Variants in SNX3 observed in about 807,000 individuals in gnomAD.
The protein encoded by SNX3 is sorting nexin 3.
A neutral mutation model predicts 17.7 loss-of-function variants in SNX3; 5 were observed. The ratio of observed to expected loss-of-function variants is 0.28; its 90% confidence interval spans 0.15 to 0.59. SNX3 has a LOEUF of 0.59. SNX3 is among the 20% of genes least tolerant of loss of function. The pLI, the probability that SNX3 is intolerant of heterozygous loss-of-function variation, is 0.88. For missense variants in SNX3, 132 were observed against 206.8 expected (o/e 0.64, Z 2.22); for synonymous variants, 91 against 76.5 (o/e 1.19, Z -0.99).
In SNX3 at chr6:108,260,947, C is replaced by T. The variant is rs1416193287; in HGVS notation, c.-26G>A. On this transcript the variant is annotated 5_prime_UTR_variant, in exon 1 of 4. Transcript: ENST00000230085. ...TTCGCTGTAGCTGCTGCCGCCGCCG[C>T]GGGCTCCCTCCGCCCCCTCCGCGTT... is the stretch of plus-strand genomic sequence containing the variant. 1.3e-6 allele frequency: 2 copies of T among 1,539,288 alleles called. No homozygotes were observed. The highest frequency in any genetic ancestry group is 2.4e-5 in the South Asian group (2 of 82,478).
At chr6:108,220,436 C>T (rs556988246) in intron 2 of SNX3, among the ~76,000 whole-genome samples, 1 of 152,048 alleles carries the variant, frequency 6.6e-6, no homozygotes, top group African/African-American at 2.4e-5. Flanking sequence ...ACAAATGCTT[C>T]CCACTATGTT....
At position 108,261,014 on chromosome 6, in the gene SNX3, G is replaced by A. The variant is rs943478744; in HGVS notation, c.-93C>T. 5.7e-6 allele frequency: 7 copies of A among 1,222,594 alleles called. No homozygotes were observed. The highest frequency in any genetic ancestry group is 7.5e-6 in the Non-Finnish European group (7 of 936,512). The allele number at this position is 1,222,594 out of a possible 1,614,324, so 75.7% of individuals were successfully genotyped here. ...CGCTGCTGCCCGCCGTGGGGACACG[G>A]GGCTCGCGCGCAGCGGTCGCGAAGA... On this transcript the variant is annotated 5_prime_UTR_variant, in exon 1 of 4. Transcript: ENST00000230085.
chr6:108,219,110 G>A (rs867806983), intron 2 of SNX3, among the ~76,000 whole-genome samples: 1 of 152,264 alleles, frequency 6.6e-6, no homozygotes, highest in East Asian at 1.9e-4. Context: ...CCAGCACTTC[G>A]GGAGGCCAAG....
At chr6:108,236,110 G>A (rs992044954) in intron 1 of SNX3, among the ~76,000 whole-genome samples, 2 of 152,066 alleles carry the variant, frequency 1.3e-5, no homozygotes, top group African/African-American at 4.8e-5. Context: ...AGAAAGGTAA[G>A]ATTCTAAATA....
chr6:108,251,407 C>T (rs560593042), intron 1 of SNX3, among the ~76,000 whole-genome samples: 10 of 152,330 alleles, frequency 6.6e-5, no homozygotes, highest in African/African-American at 1.9e-4. Context: ...ACAGTGTCTA[C>T]TCTTCCCTTC....
intron 1 of SNX3, among the ~76,000 whole-genome samples, chr6:108,236,678 G>A (rs1432469078): frequency 2.6e-5 from 4 of 151,922 alleles, no homozygotes; most frequent in African/African-American, 7.3e-5. Context: ...GTGAGCCACC[G>A]TGCCCGGCTT....
chr6:108,254,342 T>C lies in SNX3; in HGVS notation c.162+6418A>G, dbSNP rs556048959. On this transcript the variant is annotated intron_variant, in intron 1 of 3. Transcript: ENST00000230085. ...AGCCAGGCATAGTGGCGTGCTCCTG[T>C]AGCCCCAATTACTCAGGAGGCGAAG... Among the ~76,000 whole-genome samples, 19 of 152,142 alleles carry C rather than the reference T, an allele frequency of 1.2e-4. 1 individual carries two copies. The South Asian group carries it at 2.7e-3, about 22-fold the overall frequency.
chr6:108,225,384 G>C (rs1774943869), intron 1 of SNX3, among the ~76,000 whole-genome samples: 1 of 152,126 alleles, frequency 6.6e-6, no homozygotes, highest in Non-Finnish European at 1.5e-5. Context: ...CGATCACAAG[G>C]TCAGGAGTTC....
At chr6:108,239,369 C>T (rs1392602495) in intron 1 of SNX3, among the ~76,000 whole-genome samples, 4 of 152,138 alleles carry the variant, frequency 2.6e-5, no homozygotes, top group Admixed American at 2.6e-4. Flanking sequence ...GGTGCAGTGG[C>T]TCATGTTTGT....
chr6:108,223,070 A>G, intron 1 of SNX3, 25 bp from the exon 2 acceptor site: 1 of 1,337,380 alleles, frequency 7.5e-7, no homozygotes. Context: ...GTTAGTCCTA[A>G]ATTGAAGCAC....
chr6:108,229,676 CTT>C (rs1392330452), intron 1 of SNX3, among the ~76,000 whole-genome samples: 2 of 152,198 alleles, frequency 1.3e-5, no homozygotes, highest in Non-Finnish European at 2.9e-5. Flanking sequence ...AGCCAGGACT[CTT>C]TTAACACAGA....
chr6:108,253,399 T>A (rs1054884699), intron 1 of SNX3, among the ~76,000 whole-genome samples: 7 of 151,404 alleles, frequency 4.6e-5, no homozygotes, highest in Admixed American at 4.6e-4. Flanking sequence ...ATGTCTTTTT[T>A]TTTTTTTTTT....
At chr6:108,244,415 A>G (rs1306245860) in intron 1 of SNX3, among the ~76,000 whole-genome samples, 1 of 152,166 alleles carries the variant, frequency 6.6e-6, no homozygotes, top group African/African-American at 2.4e-5. Flanking sequence ...TTGGCCTTCC[A>G]AAGTGCTGGC....
At chr6:108,259,705 T>C (rs1373895446) in intron 1 of SNX3, among the ~76,000 whole-genome samples, 3 of 152,266 alleles carry the variant, frequency 2.0e-5, no homozygotes, top group Admixed American at 6.5e-5. Context: ...CTGAGCTGTA[T>C]GTACACTTAA....
At chr6:108,243,213 C>G (rs1037821865) in intron 1 of SNX3, among the ~76,000 whole-genome samples, 1 of 152,130 alleles carries the variant, frequency 6.6e-6, no homozygotes, top group Non-Finnish European at 1.5e-5. Flanking sequence ...TAAAGTGATT[C>G]TCCTGTCTTA....
chr6:108,253,479 A>G (rs910386022), intron 1 of SNX3, among the ~76,000 whole-genome samples: 2 of 151,778 alleles, frequency 1.3e-5, no homozygotes, highest in Admixed American at 6.6e-5. Flanking sequence ...GACAAGGGCA[A>G]AAAGATCTGG....
intron 2 of SNX3, among the ~76,000 whole-genome samples, chr6:108,217,057 T>C (rs903049645): frequency 1.3e-5 from 2 of 151,918 alleles, no homozygotes; most frequent in Non-Finnish European, 2.9e-5. Context: ...GAAAAATATC[T>C]GTATCTACAC....
At chr6:108,222,137 GAA>G in intron 2 of SNX3, 1 of 1,099,374 alleles carries the variant, frequency 9.1e-7, no homozygotes, top group South Asian at 1.5e-5. Flanking sequence ...GCTAGAAACA[GAA>G]AAAAAAAGAA....
At position 108,223,010 on chromosome 6, in the gene SNX3, A is replaced by C; in HGVS notation, c.198T>G (p.Thr66=). The change falls in exon 2 of 4, where the codon ACT becomes ACG. Residue 66 remains threonine (T), a synonymous_variant. Coordinates refer to ENST00000230085, the MANE Select transcript of SNX3 (RefSeq NM_003795.6). ...NLPIFKLKES[T]VRRRYSDFEW... Reference sequence around the variant, plus strand: ...CAAAGTCACTGTATCTTCTTCTAACAGTAGATTCTTTCAGCTTGAAAATAG... The same window carrying C: ...CAAAGTCACTGTATCTTCTTCTAACCGTAGATTCTTTCAGCTTGAAAATAG... 6.2e-7 allele frequency: 1 copy of C among 1,607,972 alleles called. No homozygotes were observed. Among genetic ancestry groups the C allele is most frequent in the Non-Finnish European group, 8.5e-7 (1 of 1,176,286 alleles).
Sources: allele counts gnomAD v4.1 joint callset (sites outside exome capture counted in the v4.1 genomes callset), GRCh38; gene constraint gnomAD v4.1.1; transcripts MANE v1.5; gene names NCBI Gene and HGNC (gene_info 2026-07-23, HGNC 2026-07-21).